ZDHHC18: variants seen among roughly 807,000 people sequenced by gnomAD.
The protein encoded by ZDHHC18 is palmitoyltransferase ZDHHC18.
ZDHHC18 carries 23 observed loss-of-function variants against 37.5 expected under a neutral mutation model. That is an observed-to-expected ratio of 0.61 (90% CI 0.44 to 0.87). The LOEUF is 0.87. ZDHHC18 is among the 40% of genes least tolerant of loss of function. The pLI is 0.00. For synonymous variants in ZDHHC18, 185 were observed against 218.7 expected (o/e 0.85, Z 1.36); for missense variants, 406 against 525.6 (o/e 0.77, Z 2.22).
intron 2 of ZDHHC18, among the ~76,000 whole-genome samples, chr1:26,840,348 G>A (rs2081631608): frequency 6.6e-6 from 1 of 152,230 alleles, no homozygotes; most frequent in Admixed American, 6.5e-5. Flanking sequence ...TATTTGTTAA[G>A]CCCTTGTCAA....
intron 1 of ZDHHC18, among the ~76,000 whole-genome samples, chr1:26,831,607 C>A (rs138558420): frequency 1.1e-3 from 162 of 152,306 alleles, no homozygotes; most frequent in Non-Finnish European, 2.0e-3. Flanking sequence ...TCCAGAACTT[C>A]TAGAATGTTC....
Position 26,850,260 on chromosome 1 carries a change from G to A in ZDHHC18, c.647-41G>A. Reference sequence around the variant, plus strand: ...CCGCCAAATGCCTGTGCTGGCTGCAGGCCAGCCCACACTAACCCATCGCCC... The same window carrying A: ...CCGCCAAATGCCTGTGCTGGCTGCAAGCCAGCCCACACTAACCCATCGCCC... On this transcript the variant is annotated intron_variant, in intron 3 of 7. Transcript: ENST00000374142. This position sits in a 1 kb window ranked among gnomAD's most constrained non-coding sequence, Gnocchi z 6.1. The A allele has an allele frequency of 6.2e-7, 1 of 1,605,654 alleles. No homozygotes were observed. The highest frequency in any genetic ancestry group is 8.5e-7 in the Non-Finnish European group (1 of 1,175,988).
At chr1:26,827,690 C>T (rs965607908) in intron 1 of ZDHHC18, among the ~76,000 whole-genome samples, 9 of 152,172 alleles carry the variant, frequency 5.9e-5, no homozygotes, top group African/African-American at 2.2e-4. Flanking sequence ...CCAGGGTCCC[C>T]TCCTTTTCTC....
At chr1:26,852,086 C>T (rs1011133377) in intron 6 of ZDHHC18, among the ~76,000 whole-genome samples, 1 of 152,216 alleles carries the variant, frequency 6.6e-6, no homozygotes, top group African/African-American at 2.4e-5. Context: ...GCGTTGTGTG[C>T]CTGGTGATCA....
rs1357996034 is a variant in ZDHHC18, at chr1:26,826,700, A to G, written c.-105A>G. 3 of 418,800 alleles carry G rather than the reference A, an allele frequency of 7.2e-6. No individual in the cohort carries two copies. The highest frequency in any genetic ancestry group is 6.4e-6 in the Non-Finnish European group (2 of 314,550). The allele number at this position is 418,800 out of a possible 1,614,324, so 25.9% of individuals were successfully genotyped here. On this transcript the variant is annotated 5_prime_UTR_variant, in exon 1 of 8. Coordinates refer to ENST00000374142, the MANE Select transcript of ZDHHC18 (RefSeq NM_032283.3). This position sits in a 1 kb window ranked among gnomAD's most constrained non-coding sequence, Gnocchi z 5.2. ...GCGGGGCCGCCCCAGTGAGTGAGCG[A>G]GCGAGCGCCGCGCGCGCCGCCGCTG...
intron 2 of ZDHHC18, among the ~76,000 whole-genome samples, chr1:26,842,262 C>G (rs1241878001): frequency 1.3e-5 from 2 of 152,168 alleles, no homozygotes; most frequent in Non-Finnish European, 2.9e-5. Context: ...CAGGCATGAG[C>G]CACTATGCTT....
intron 3 of ZDHHC18, 134 bp downstream of exon 3, chr1:26,848,891 C>A: frequency 7.6e-7 from 1 of 1,312,010 alleles, no homozygotes; most frequent in Non-Finnish European, 1.0e-6. Context: ...GTCTGGTTCA[C>A]CCAGATTTGC....
At position 26,826,711 on chromosome 1, in the gene ZDHHC18, C is replaced by A; in HGVS notation, c.-94C>A. ...CCAGTGAGTGAGCGAGCGAGCGCCG[C>A]GCGCGCCGCCGCTGCCACCTCCGCT... On this transcript the variant is annotated 5_prime_UTR_variant, in exon 1 of 8. Coordinates refer to ENST00000374142, the MANE Select transcript of ZDHHC18 (RefSeq NM_032283.3). The surrounding 1 kb of genome is among the most constrained non-coding windows in gnomAD (Gnocchi z 5.2). 1.8e-6 allele frequency: 1 copy of A among 544,988 alleles called. No homozygotes were observed. The highest frequency in any genetic ancestry group is 2.3e-6 in the Non-Finnish European group (1 of 429,546). The allele number at this position is 544,988 out of a possible 1,614,324, so 33.8% of individuals were successfully genotyped here.
intron 7 of ZDHHC18, 117 bp downstream of exon 7, chr1:26,852,982 C>G (rs903790635): frequency 1.6e-5 from 12 of 774,194 alleles, no homozygotes; most frequent in Admixed American, 1.2e-4. Context: ...TCCACTACCC[C>G]CTGGAGGGCA....
At position 26,832,547 on chromosome 1, in the gene ZDHHC18, G is replaced by A. The variant is rs770726610; in HGVS notation, c.436G>A (p.Asp146Asn). ...CTGCCTGCTGCAGACAAGCTTCACC[G>A]ACCCTGGGATCCTGCCCCGGGCCAC... ...MSCLLQTSFT[D>N]PGILPRATVC... is the part of the protein sequence containing the mutation. Residue 146 changes from aspartate (D) to asparagine (N), a missense_variant, in exon 2 of 8, where the codon GAC (aspartate) becomes AAC (asparagine). Physicochemically the swap from Asp to Asn is conservative, Grantham distance 23 (BLOSUM62 1). Transcript: ENST00000374142. 13 of 1,614,004 alleles carry A rather than the reference G, an allele frequency of 8.1e-6. No individual in the cohort carries two copies. Among genetic ancestry groups the A allele is most frequent in the Non-Finnish European group, 2.5e-6 (3 of 1,180,022 alleles).
rs1308447798 is a variant in ZDHHC18, at chr1:26,851,251, C to T, written c.936+20C>T. ...GAAGACGTGAGTAAACCTGGAGCCA[C>T]CCCTCATTCTAGGGCAGCGCCCTCA... On this transcript the variant is annotated intron_variant, in intron 6 of 7. Coordinates refer to ENST00000374142, the MANE Select transcript of ZDHHC18 (RefSeq NM_032283.3). 8 of 1,610,990 alleles carry T rather than the reference C, an allele frequency of 5.0e-6. No homozygotes were observed. Among genetic ancestry groups the T allele is most frequent in the East Asian group, 2.2e-5 (1 of 44,886 alleles).
intron 1 of ZDHHC18, among the ~76,000 whole-genome samples, chr1:26,831,300 G>GA (rs35891177): frequency 0.13 from 19,831 of 152,230 alleles, 1,426 homozygotes; most frequent in Non-Finnish European, 0.17. Context: ...GAACTGTCAT[G>GA]GGCTATTGTG....
intron 2 of ZDHHC18, among the ~76,000 whole-genome samples, chr1:26,832,983 A>C (rs1557640400): frequency 6.6e-6 from 1 of 152,242 alleles, no homozygotes; most frequent in Non-Finnish European, 1.5e-5. Flanking sequence ...AAGAGGGTCC[A>C]AGATCACAAA....
chr1:26,826,741 G>A lies in ZDHHC18; in HGVS notation c.-64G>A, dbSNP rs1355926621. 3.6e-5 allele frequency: 30 copies of A among 844,760 alleles called. No homozygotes were observed. Among genetic ancestry groups the A allele is most frequent in the Non-Finnish European group, 4.1e-5 (29 of 704,052 alleles). The allele number at this position is 844,760 out of a possible 1,614,324, so 52.3% of individuals were successfully genotyped here. On this transcript the variant is annotated 5_prime_UTR_variant, in exon 1 of 8. Transcript: ENST00000374142. The surrounding 1 kb of genome is among the most constrained non-coding windows in gnomAD (Gnocchi z 5.2). ...GCCGCCGCTGCCACCTCCGCTGCTC[G>A]GCCCGGTCCCGGAGTGGCCCGGCCG...
intron 2 of ZDHHC18, among the ~76,000 whole-genome samples, chr1:26,837,259 A>AATAT (rs1553157549): frequency 7.7e-5 from 11 of 143,744 alleles, no homozygotes; most frequent in Admixed American, 1.4e-4. Flanking sequence ...TCTCAAAAAA[A>AATAT]ATATATATAT....
In ZDHHC18 at chr1:26,852,975, A is replaced by G. The variant is rs192038762; in HGVS notation, c.1049+110A>G. ...CCTACACCCTAGATGCCCTCCGTCC[A>G]CTACCCCCTGGAGGGCATTTGTCAT... is the stretch of plus-strand genomic sequence containing the variant. On this transcript the variant is annotated intron_variant, in intron 7 of 7. Coordinates refer to ENST00000374142, the MANE Select transcript of ZDHHC18 (RefSeq NM_032283.3). 47 of 869,274 alleles carry G rather than the reference A, an allele frequency of 5.4e-5. No individual in the cohort carries two copies. In the African/African-American group the frequency reaches 7.4e-4, roughly 14 times the overall value. The allele number at this position is 869,274 out of a possible 1,614,324, so 53.8% of individuals were successfully genotyped here. A position where few individuals can be genotyped will look rare whatever the true frequency, so the allele number is the denominator to read the frequency against.
chr1:26,844,926 G>GTTT (rs35017323), intron 2 of ZDHHC18, among the ~76,000 whole-genome samples: 1 of 141,008 alleles, frequency 7.1e-6, no homozygotes, highest in Non-Finnish European at 1.5e-5. Context: ...TTTTTTTTTG[G>GTTT]TTTTTTTTTT....
chr1:26,853,757 G>T lies in ZDHHC18; in HGVS notation c.1081G>T (p.Asp361Tyr), dbSNP rs145327536. Residue 361 changes from aspartate (D) to tyrosine (Y), a missense_variant, in exon 8 of 8, where the codon GAC becomes TAC. Asp to Tyr is a radical substitution (Grantham distance 160, BLOSUM62 -3). Transcript: ENST00000374142. ...TGACCGGAGGGGATTTGTGCAGTCCGACACCGTGTTGCCCTCACCCATCAG... is the reference window on the plus strand; with the variant it reads ...TGACCGGAGGGGATTTGTGCAGTCCTACACCGTGTTGCCCTCACCCATCAG... ...LIDRRGFVQSDTVLPSPIRSD... is the reference protein window; with the variant it reads ...LIDRRGFVQSYTVLPSPIRSD... The T allele has an allele frequency of 6.8e-6, 11 of 1,613,966 alleles. No homozygotes were observed. Among genetic ancestry groups the T allele is most frequent in the South Asian group, 4.4e-5 (4 of 91,092 alleles).
chr1:26,842,993 T>C (rs35650645), intron 2 of ZDHHC18, among the ~76,000 whole-genome samples: 18,474 of 152,212 alleles, frequency 0.12, 1,343 homozygotes, highest in Non-Finnish European at 0.17. Context: ...CTGTTCAGGT[T>C]CTCTGTGCCC....
Sources: gnomAD v4.1 joint callset for allele counts (sites outside exome capture counted in the v4.1 genomes callset) on GRCh38, gnomAD v4.1.1 for gene constraint, Gnocchi (gnomAD v3.1) non-coding constraint, MANE v1.5 for transcripts, NCBI Gene and HGNC (gene_info 2026-07-23, HGNC 2026-07-21) for gene names.